The following PAX3 variants were observed in gnomAD, a reference collection of about 807,000 sequenced individuals.
The protein encoded by PAX3 is paired box protein Pax-3.
In PAX3, 14 loss-of-function variants were observed where a neutral mutation model predicts 51.6. The observed-to-expected ratio is 0.27, with a 90% CI of 0.18 to 0.42. The LOEUF (loss-of-function observed/expected upper bound fraction) is 0.42, where lower values mean the gene tolerates loss of function less well. Ranked by LOEUF, PAX3 falls within the 10% of genes least tolerant of loss-of-function variation. PAX3 has a pLI of 1.00. For synonymous variants in PAX3, 280 were observed against 253.4 expected (o/e 1.11, Z -1.00); for missense variants, 540 against 642.8 (o/e 0.84, Z 1.73).
rs185678544 is a variant in PAX3, at chr2:222,200,411, G to A, written c.*997C>T. On this transcript the variant is annotated 3_prime_UTR_variant, in exon 9 of 9. Transcript: ENST00000392070. ...TATCTGATCTGGTCTCTAATCAAAG[G>A]AGCAACCCGGGTGTTGGTTGTCCAG... 7.0e-5 allele frequency: 16 copies of A among 229,226 alleles called. No individual in the cohort carries two copies. The highest frequency in any genetic ancestry group is 1.1e-4 in the Non-Finnish European group (13 of 115,300). The allele number at this position is 229,226 out of a possible 1,614,324, so 14.2% of individuals were successfully genotyped here. A position where few individuals can be genotyped will look rare whatever the true frequency, so the allele number is the denominator to read the frequency against.
At chr2:222,264,967 T>A (rs995032998) in intron 4 of PAX3, 3 of 152,204 alleles carry the variant, frequency 2.0e-5, no homozygotes, top group Non-Finnish European at 2.9e-5. Context: ...AACACTCAGC[T>A]CTGAGATCTT....
chr2:222,204,598 A>G (rs1341994351), intron 7 of PAX3, among the ~76,000 whole-genome samples: 1 of 152,226 alleles, frequency 6.6e-6, no homozygotes, highest in Non-Finnish European at 1.5e-5. Flanking sequence ...GAGATTGGAC[A>G]TGAACATAAA....
intron 4 of PAX3, chr2:222,293,528 A>C: frequency 1.7e-6 from 2 of 1,172,438 alleles, no homozygotes; most frequent in East Asian, 4.8e-5. Flanking sequence ...CTAAGAACCC[A>C]GATCCCTTCA....
At position 222,294,161 on chromosome 2, in the gene PAX3, G is replaced by T. The variant is rs979286695; in HGVS notation, c.586+6C>A. 2.5e-6 allele frequency: 4 copies of T among 1,614,092 alleles called. No homozygotes were observed. Among genetic ancestry groups the T allele is most frequent in the Non-Finnish European group, 3.4e-6 (4 of 1,180,050 alleles). On this transcript the variant is annotated splice_donor_region_variant and intron_variant, in intron 4 of 8. Transcript: ENST00000392070. ...CAAGTGCGCCGCCCAAGGCGCCACC[G>T]CTTACCTCGCTCGCTCAGGATGCCG...
chr2:222,276,735 A>T (rs1694435220), intron 4 of PAX3, among the ~76,000 whole-genome samples: 1 of 152,254 alleles, frequency 6.6e-6, no homozygotes, highest in African/African-American at 2.4e-5. Context: ...AGCTAAGGGA[A>T]CTAAGCCTCC....
At chr2:222,272,455 T>C (rs1694287693) in intron 4 of PAX3, among the ~76,000 whole-genome samples, 1 of 152,220 alleles carries the variant, frequency 6.6e-6, no homozygotes, top group Admixed American at 6.5e-5. Flanking sequence ...TTGCATAATT[T>C]TGGGGAAGAC....
At chr2:222,295,469 G>A in intron 3 of PAX3, 59 bp downstream of exon 3, 1 of 1,595,122 alleles carries the variant, frequency 6.3e-7, no homozygotes, top group Non-Finnish European at 8.6e-7. Flanking sequence ...CTGGGTCGAC[G>A]TGCCGGGGTA....
intron 3 of PAX3, among the ~76,000 whole-genome samples, chr2:222,295,056 C>T (rs895248368): frequency 6.6e-6 from 1 of 152,000 alleles, no homozygotes; most frequent in African/African-American, 2.4e-5. Flanking sequence ...CCCTCCGCCT[C>T]CCCCAGGCTG....
intron 4 of PAX3, among the ~76,000 whole-genome samples, chr2:222,251,514 G>T (rs1693432155): frequency 6.6e-6 from 1 of 152,078 alleles, no homozygotes; most frequent in Admixed American, 6.5e-5. Context: ...TATCATTGTT[G>T]GACATTTGGC....
chr2:222,251,728 A>G (rs528306483), intron 4 of PAX3, among the ~76,000 whole-genome samples: 1 of 152,336 alleles, frequency 6.6e-6, no homozygotes, highest in South Asian at 2.1e-4. Flanking sequence ...TCCCACCAAC[A>G]GTGTAAAAGT....
chr2:222,298,872 G>A lies in PAX3; in HGVS notation c.-257C>T, dbSNP rs1695456979. The A allele has an allele frequency of 1.7e-6, 1 of 574,522 alleles. No individual in the cohort carries two copies. Among genetic ancestry groups the A allele is most frequent in the Non-Finnish European group, 3.1e-6 (1 of 320,174 alleles). The allele number at this position is 574,522 out of a possible 1,614,324, so 35.6% of individuals were successfully genotyped here. ...CCCAGGGCGGAAAAGTTTGGTACGA[G>A]TCTGGGCAAATGTTCCAGCGACTGG... On this transcript the variant is annotated 5_prime_UTR_variant, in exon 1 of 9. Transcript: ENST00000392070.
At chr2:222,234,469 G>T (rs1035844953) in intron 4 of PAX3, among the ~76,000 whole-genome samples, 1 of 152,140 alleles carries the variant, frequency 6.6e-6, no homozygotes, top group Non-Finnish European at 1.5e-5. Context: ...ATGTATGATT[G>T]ATAAATGTAA....
chr2:222,202,408 G>A (rs889543458), intron 7 of PAX3, among the ~76,000 whole-genome samples: 3 of 151,870 alleles, frequency 2.0e-5, no homozygotes, highest in Non-Finnish European at 4.4e-5. Context: ...AAAGGGGGAG[G>A]GAGAAGAGGG....
chr2:222,261,709 C>T (rs1693868935), intron 4 of PAX3, among the ~76,000 whole-genome samples: 1 of 152,116 alleles, frequency 6.6e-6, no homozygotes, highest in South Asian at 2.1e-4. Context: ...GAACATTGGC[C>T]TGCAAACCTT....
At chr2:222,287,583 A>G in intron 4 of PAX3, 1 of 152,266 alleles carries the variant, frequency 6.6e-6, no homozygotes, top group East Asian at 1.9e-4. Context: ...CAAAATATAC[A>G]TTTGAAATAT....
intron 4 of PAX3, among the ~76,000 whole-genome samples, chr2:222,285,077 A>C (rs371311615): frequency 6.6e-6 from 1 of 152,240 alleles, no homozygotes; most frequent in African/African-American, 2.4e-5. Flanking sequence ...TCAATTGGGA[A>C]ACTGGCCAAG....
At chr2:222,296,835 C>CAA (rs1695323811) in intron 2 of PAX3, 143 bp downstream of exon 2, 1 of 716,280 alleles carries the variant, frequency 1.4e-6, no homozygotes, top group East Asian at 2.7e-5. Context: ...TACACACACA[C>CAA]ACGCGCGCCT....
chr2:222,271,269 T>C (rs1343628466), intron 4 of PAX3, among the ~76,000 whole-genome samples: 1 of 152,208 alleles, frequency 6.6e-6, no homozygotes, highest in African/African-American at 2.4e-5. Context: ...GGCAGCCTGA[T>C]GTCCTATGGA....
Position 222,222,839 on chromosome 2 carries a change from A to G in PAX3, c.793-1452T>C, listed in dbSNP as rs80294060. Among the ~76,000 whole-genome samples the G allele has an allele frequency of 4.8e-3, 724 of 152,332 alleles. 3 individuals are homozygous for G. Among genetic ancestry groups the G allele is most frequent in the African/African-American group, 0.016 (680 of 41,586 alleles). ...ACCAAAATAATTGCTCGCTAGAGGT[A>G]GAAACTTCACATTTGGAAGCACAGA... On this transcript the variant is annotated intron_variant, in intron 5 of 8. Transcript: ENST00000392070.
Sources: allele counts gnomAD v4.1 joint callset (sites outside exome capture counted in the v4.1 genomes callset), GRCh38; gene constraint gnomAD v4.1.1; transcripts MANE v1.5; gene names NCBI Gene and HGNC (gene_info 2026-07-23, HGNC 2026-07-21).